The following CCDC107 variants were observed in gnomAD, a reference collection of about 807,000 sequenced individuals.
CCDC107 encodes the protein coiled-coil domain-containing protein 107.
Under a neutral mutation model 17.9 loss-of-function variants are expected in CCDC107, and 17 were observed. The ratio of observed to expected loss-of-function variants is 0.95; its 90% CI spans 0.65 to 1.42. The LOEUF is 1.42. Among genes scored for constraint, CCDC107 ranks in the 40% most tolerant of loss-of-function variants. The probability of loss-of-function intolerance (pLI) is 0.00; values close to 1 mark genes in which losing one functional copy is unlikely to be tolerated. For missense variants in CCDC107, 388 were observed against 360.1 expected (o/e 1.08, Z -0.63); for synonymous variants, 170 against 157.2 (o/e 1.08, Z -0.61).
At chr9:35,659,266 T>C (rs757631041) in intron 2 of CCDC107, 6 of 152,282 alleles carry the variant, frequency 3.9e-5, no homozygotes, top group Admixed American at 1.3e-4. Context: ...CATTATAAAA[T>C]AGAACCGATG....
Position 35,660,636 on chromosome 9 carries a change from C to A in CCDC107, c.399C>A (p.Pro133=). 6.2e-7 allele frequency: 1 copy of A among 1,614,176 alleles called. No individual in the cohort carries two copies. Among genetic ancestry groups the A allele is most frequent in the Non-Finnish European group, 8.5e-7 (1 of 1,180,026 alleles). Residue 133 remains proline, a synonymous_variant, in exon 4 of 5, where the codon CCC becomes CCA. Transcript: ENST00000426546. ...ACAACCTGATGGCCCAGCTGGACCC[C>A]CTTTTTGAGCGGTGAGGAGAGCAAT... ...HLNNLMAQLD[P]LFERVTTLAG...
intron 2 of CCDC107, chr9:35,660,185 G>C: frequency 2.0e-6 from 1 of 499,208 alleles, no homozygotes. Flanking sequence ...GCTCATTCCT[G>C]GAGGTGTTTC....
At chr9:35,660,536 C>A in intron 3 of CCDC107, 21 bp from the exon 4 acceptor site, 1 of 1,614,064 alleles carries the variant, frequency 6.2e-7, no homozygotes, top group Non-Finnish European at 8.5e-7. Context: ...ACTTCTGCCC[C>A]CTTTTTTCCC....
At chr9:35,659,445 A>T (rs1041237476) in intron 2 of CCDC107, 1 of 152,232 alleles carries the variant, frequency 6.6e-6, no homozygotes, top group Non-Finnish European at 1.5e-5. Flanking sequence ...ATGTAGCAGG[A>T]GGTCTTATGA....
chr9:35,658,348 G>C lies in CCDC107; in HGVS notation c.-32G>C, dbSNP rs888456667. 14 of 1,341,632 alleles carry C rather than the reference G, an allele frequency of 1.0e-5. No homozygotes were observed. Among genetic ancestry groups the C allele is most frequent in the African/African-American group, 3.1e-5 (2 of 65,446 alleles). The allele number at this position is 1,341,632 out of a possible 1,614,324, so 83.1% of individuals were successfully genotyped here. On this transcript the variant is annotated 5_prime_UTR_variant, in exon 1 of 5. Coordinates refer to ENST00000426546, the MANE Select transcript of CCDC107 (RefSeq NM_174923.3). ...GCCAATGCCGGACCGCTTCGGCACC[G>C]CCCGCCCGATCCCTCCACCCGTGGG...
Position 35,661,235 on chromosome 9 carries a change from C to T in CCDC107, c.*48C>T. The T allele has an allele frequency of 1.4e-6, 2 of 1,383,190 alleles. No homozygotes were observed. Among genetic ancestry groups the T allele is most frequent in the South Asian group, 2.7e-5 (2 of 73,866 alleles). 85.7% of individuals were successfully genotyped at this position (1,383,190 alleles called of 1,614,324 possible). ...TCGATCCTAGTTGGTTGTACACACCCATACTAGGTGCCTAAGGACAACTGG... is the reference window on the plus strand; with the variant it reads ...TCGATCCTAGTTGGTTGTACACACCTATACTAGGTGCCTAAGGACAACTGG... On this transcript the variant is annotated 3_prime_UTR_variant, in exon 5 of 5. Coordinates refer to ENST00000426546, the MANE Select transcript of CCDC107 (RefSeq NM_174923.3).
intron 2 of CCDC107, 40 bp downstream of exon 2, chr9:35,658,767 G>A: frequency 1.5e-6 from 2 of 1,319,730 alleles, no homozygotes; most frequent in Non-Finnish European, 1.0e-6. Flanking sequence ...CTGCAGGTGC[G>A]GGACCGCCGG....
Position 35,658,456 on chromosome 9 carries a change from G to A in CCDC107, c.77G>A (p.Arg26His). The A allele has an allele frequency of 6.8e-7, 1 of 1,473,218 alleles. No homozygotes were observed. The highest frequency in any genetic ancestry group is 9.0e-7 in the Non-Finnish European group (1 of 1,111,400). The allele number at this position is 1,473,218 out of a possible 1,614,324, so 91.3% of individuals were successfully genotyped here. A position where few individuals can be genotyped will look rare whatever the true frequency, so the allele number is the denominator to read the frequency against. The stretch of plus-strand genomic sequence containing the variant: ...GCGCTGTCCGGGGTCCTAGGAGACC[G>A]CGCCAATCCCGACCTCCGGGCACAC... ...VSALSGVLGD[R>H]ANPDLRAHPG... The change falls in exon 1 of 5, where the codon CGC becomes CAC. Residue 26 changes from arginine to histidine, a missense_variant. Physicochemically the swap from Arg to His is conservative, Grantham distance 29 (BLOSUM62 0). Coordinates refer to ENST00000426546, the MANE Select transcript of CCDC107 (RefSeq NM_174923.3).
In CCDC107 at chr9:35,661,159, G is replaced by T. The variant is rs764613156; in HGVS notation, c.824G>T (p.Gly275Val). 1.9e-6 allele frequency: 3 copies of T among 1,606,400 alleles called. No individual in the cohort carries two copies. The highest frequency in any genetic ancestry group is 2.6e-6 in the Non-Finnish European group (3 of 1,175,312). The change falls in exon 5 of 5, where the codon GGT becomes GTT. Residue 275 changes from glycine to valine, a missense_variant. Physicochemically the swap from Gly to Val is moderately radical, Grantham distance 109. Transcript: ENST00000426546. ...TGGGAAGGAGGGACGACAGCTGAAGGTCGACTAAAACAAAGTCTGTTTTCA... is the reference window on the plus strand; with the variant it reads ...TGGGAAGGAGGGACGACAGCTGAAGTTCGACTAAAACAAAGTCTGTTTTCA... ...LGWEGGTTAE[G>V]RLKQSLFS
intron 2 of CCDC107, 176 bp from the exon 3 acceptor site, chr9:35,660,225 C>T (rs190298739): frequency 1.0e-5 from 6 of 578,626 alleles, no homozygotes; most frequent in African/African-American, 7.5e-5. Flanking sequence ...GGACATAGGA[C>T]GTCGCTTCAT....
At position 35,660,655 on chromosome 9, in the gene CCDC107, G is replaced by C. The variant is rs374048020; in HGVS notation, c.410+8G>C. On this transcript the variant is annotated splice_region_variant and intron_variant, in intron 4 of 4. Coordinates refer to ENST00000426546, the MANE Select transcript of CCDC107 (RefSeq NM_174923.3). ...GGACCCCCTTTTTGAGCGGTGAGGA[G>C]AGCAATGATTCTGTGAATTTTTGGG... 36 of 1,614,166 alleles carry C rather than the reference G, an allele frequency of 2.2e-5. No homozygotes were observed. In the African/African-American group the frequency reaches 4.0e-4, roughly 18 times the overall value.
At chr9:35,658,963 C>G (rs1266528148) in intron 2 of CCDC107, 3 of 404,512 alleles carry the variant, frequency 7.4e-6, no homozygotes, top group African/African-American at 6.2e-5. Flanking sequence ...TAATGACTAT[C>G]ACATTTAGTT....
Position 35,661,033 on chromosome 9 carries a change from GCA to G in CCDC107, c.701_702del (p.Thr234ArgfsTer40), listed in dbSNP as rs1473256144. 6.2e-7 allele frequency: 1 copy of G among 1,614,222 alleles called. No individual in the cohort carries two copies. Among genetic ancestry groups the G allele is most frequent in the South Asian group, 1.1e-5 (1 of 91,088 alleles). On this transcript the variant is annotated frameshift_variant, in exon 5 of 5. Transcript: ENST00000426546. LOFTEE classifies it low-confidence loss of function (END_TRUNC). ...GCCTGGGAGGAGCCCACAAACTGGA[GCA>G]CAGAGACATGGAACCTAGCTACTTC... is the stretch of plus-strand genomic sequence containing the variant.
chr9:35,658,914 G>A (rs948882690), intron 2 of CCDC107, 187 bp downstream of exon 2: 2 of 448,310 alleles, frequency 4.5e-6, no homozygotes, highest in African/African-American at 4.1e-5. Context: ...GAGGATCCAG[G>A]GAGGTAACGG....
chr9:35,658,674 G>A lies in CCDC107; in HGVS notation c.205G>A (p.Gly69Arg). 6.4e-7 allele frequency: 1 copy of A among 1,573,528 alleles called. No homozygotes were observed. Among genetic ancestry groups the A allele is most frequent in the South Asian group, 1.1e-5 (1 of 89,094 alleles). Reference protein sequence around the residue: ...ERTRAGSLPLGALYTAAVAAF... With the variant: ...ERTRAGSLPLRALYTAAVAAF... ...GACCCGGGCCGGGTCGCTGCCTCTGGGGGCGCTGTACACCGCGGCCGTCGC... is the reference window on the plus strand; with the variant it reads ...GACCCGGGCCGGGTCGCTGCCTCTGAGGGCGCTGTACACCGCGGCCGTCGC... The change falls in exon 2 of 5, where the codon GGG becomes AGG. Residue 69 changes from glycine (G) to arginine (R), a missense_variant. By Grantham distance (125) the Gly-to-Arg change is moderately radical (BLOSUM62 -2). Transcript: ENST00000426546.
chr9:35,658,440 G>C lies in CCDC107; in HGVS notation c.61G>C (p.Gly21Arg). 6.8e-7 allele frequency: 1 copy of C among 1,467,858 alleles called. No homozygotes were observed. 90.9% of individuals were successfully genotyped at this position (1,467,858 alleles called of 1,614,324 possible). ...VGLLLVSALSGVLGDRANPDL... is the reference protein window; with the variant it reads ...VGLLLVSALSRVLGDRANPDL... ...GCTGCTGCTTGTGTCTGCGCTGTCC[G>C]GGGTCCTAGGAGACCGCGCCAATCC... Residue 21 changes from glycine (G) to arginine (R), a missense_variant, in exon 1 of 5, where the codon GGG (glycine) becomes CGG (arginine). Physicochemically the swap from Gly to Arg is moderately radical, Grantham distance 125. Coordinates refer to ENST00000426546, the MANE Select transcript of CCDC107 (RefSeq NM_174923.3).
chr9:35,658,959 C>T, intron 2 of CCDC107: 1 of 411,554 alleles, frequency 2.4e-6, no homozygotes, highest in East Asian at 3.7e-5. Flanking sequence ...TAAATAATGA[C>T]TATCACATTT....
chr9:35,660,301 T>C (rs768872766), intron 2 of CCDC107, 100 bp from the exon 3 acceptor site: 9 of 1,004,040 alleles, frequency 9.0e-6, no homozygotes, highest in Non-Finnish European at 1.2e-5. Flanking sequence ...AATCACTGTC[T>C]CCATCTCAAA....
chr9:35,660,462 G>T lies in CCDC107; in HGVS notation c.319+1G>T. 1 of 1,613,460 alleles carries T rather than the reference G, an allele frequency of 6.2e-7. No individual in the cohort carries two copies. Among genetic ancestry groups the T allele is most frequent in the Non-Finnish European group, 8.5e-7 (1 of 1,179,686 alleles). On this transcript the variant is annotated splice_donor_variant, in intron 3 of 4. Transcript: ENST00000426546. LOFTEE classifies it high-confidence loss of function. ...AGCAAGCAGCAGCCACTGCAGTCAG[G>T]TGGGTTTAGCAGAAGTCTGTGCTGG... is the stretch of plus-strand genomic sequence containing the variant.
Sources: gnomAD v4.1 joint callset for allele counts on GRCh38, gnomAD v4.1.1 for gene constraint, MANE v1.5 for transcripts, NCBI Gene and HGNC (gene_info 2026-07-23, HGNC 2026-07-21) for gene names.